CRTC3: variants seen among roughly 807,000 people sequenced by gnomAD.
The protein encoded by CRTC3 is CREB regulated transcription coactivator 3.
CRTC3 carries 26 observed loss-of-function variants against 74.5 expected under a neutral mutation model. That is an observed-to-expected ratio of 0.35 (90% CI 0.26 to 0.48). The LOEUF (loss-of-function observed/expected upper bound fraction) is 0.48, where lower values mean the gene tolerates loss of function less well. Ranked by LOEUF, CRTC3 falls within the 20% of genes least tolerant of loss-of-function variation. CRTC3 has a pLI of 0.99. For missense variants in CRTC3, 760 were observed against 787.3 expected, an observed-to-expected ratio of 0.97 and a Z score of 0.41; for synonymous variants, 377 against 325.8, an observed-to-expected ratio of 1.16 and a Z score of -1.69.
chr15:90,582,773 G>T (rs941151114), intron 2 of CRTC3, among the ~76,000 whole-genome samples: 1 of 152,118 alleles, frequency 6.6e-6, no homozygotes, highest in Non-Finnish European at 1.5e-5. Context: ...ATGTAATTCA[G>T]CAAACACGTG....
At chr15:90,563,881 C>T (rs776614083) in intron 2 of CRTC3, among the ~76,000 whole-genome samples, 3 of 151,994 alleles carry the variant, frequency 2.0e-5, no homozygotes, top group East Asian at 3.8e-4. Flanking sequence ...TCTTTCTTCC[C>T]GCCTTCCTTC....
At chr15:90,588,380 C>G (rs890194069) in intron 2 of CRTC3, among the ~76,000 whole-genome samples, 1 of 151,070 alleles carries the variant, frequency 6.6e-6, no homozygotes, top group East Asian at 1.9e-4. Flanking sequence ...TCTCAACAAA[C>G]ATTTATTTTT....
In CRTC3 at chr15:90,638,784, C is replaced by G. The variant is rs1443210182; in HGVS notation, c.1517C>G (p.Ser506Cys). ...FFPDVGFDQQ[S>C]MRPGPAFPQQ... ...CCAGATGTGGGTTTTGACCAGCAGT[C>G]CATGAGGCCAGGCCCTGCCTTTCCT... The change falls in exon 13 of 15, where the codon TCC becomes TGC. Residue 506 changes from serine (S) to cysteine (C), a missense_variant. Physicochemically the swap from Ser to Cys is moderately radical, Grantham distance 112. Transcript: ENST00000268184. The G allele has an allele frequency of 5.6e-6, 9 of 1,614,148 alleles. No homozygotes were observed. The highest frequency in any genetic ancestry group is 7.6e-6 in the Non-Finnish European group (9 of 1,180,018).
intron 11 of CRTC3, among the ~76,000 whole-genome samples, chr15:90,633,607 A>C (rs1307415075): frequency 6.6e-6 from 1 of 152,120 alleles, no homozygotes; most frequent in East Asian, 1.9e-4. Flanking sequence ...GTGAGTCTGC[A>C]TATTTGGTGG....
chr15:90,564,251 T>C (rs1313576494), intron 2 of CRTC3, among the ~76,000 whole-genome samples: 1 of 152,228 alleles, frequency 6.6e-6, no homozygotes, highest in Non-Finnish European at 1.5e-5. Flanking sequence ...AACAGAACTA[T>C]TTTCTCTGAA....
At chr15:90,549,985 T>C (rs1424777805) in intron 2 of CRTC3, among the ~76,000 whole-genome samples, 1 of 149,492 alleles carries the variant, frequency 6.7e-6, no homozygotes, top group Non-Finnish European at 1.5e-5. Flanking sequence ...ATTACAGGCG[T>C]GAGCCACCAC....
rs1966951443 is a variant in CRTC3, at chr15:90,558,807, A to G, written c.231+18670A>G. On this transcript the variant is annotated intron_variant, in intron 2 of 14. Transcript: ENST00000268184. ...TGCTCTGTCGCCCAGGCTGGCGTGC[A>G]GTGGCGTGATCTCGGCTCACTGCAA... Among the ~76,000 whole-genome samples the G allele has an allele frequency of 2.0e-5, 3 of 151,742 alleles. No individual in the cohort carries two copies. In the South Asian group the frequency reaches 6.2e-4, roughly 32 times the overall value.
intron 11 of CRTC3, among the ~76,000 whole-genome samples, chr15:90,634,287 A>T (rs1281386003): frequency 6.6e-6 from 1 of 151,664 alleles, no homozygotes. Flanking sequence ...TAATTTTTGT[A>T]ATTTTTAGTA....
chr15:90,619,314 G>A (rs1429334805), intron 8 of CRTC3, among the ~76,000 whole-genome samples: 5 of 152,076 alleles, frequency 3.3e-5, no homozygotes, highest in Admixed American at 2.0e-4. Flanking sequence ...AAAATTAGCC[G>A]AGTGTGGTGG....
intron 2 of CRTC3, among the ~76,000 whole-genome samples, chr15:90,557,201 A>G (rs767426103): frequency 6.6e-6 from 1 of 152,118 alleles, no homozygotes; most frequent in Non-Finnish European, 1.5e-5. Context: ...AATTTAGCTT[A>G]GAACAATCGC....
chr15:90,564,731 C>T (rs1174018518), intron 2 of CRTC3, among the ~76,000 whole-genome samples: 1 of 152,132 alleles, frequency 6.6e-6, no homozygotes, highest in South Asian at 2.1e-4. Flanking sequence ...GAAACCTAAC[C>T]AGCAAAGAAA....
chr15:90,531,600 C>G (rs1450866765), intron 1 of CRTC3, among the ~76,000 whole-genome samples: 1 of 152,134 alleles, frequency 6.6e-6, no homozygotes, highest in African/African-American at 2.4e-5. Context: ...TTCTTATACC[C>G]TATCAGCTTC....
intron 8 of CRTC3, 32 bp downstream of exon 8, chr15:90,618,000 T>C: frequency 2.8e-6 from 4 of 1,408,512 alleles, no homozygotes; most frequent in Middle Eastern, 3.5e-4. Context: ...ATGTTTGTTG[T>C]CACTGAATGT....
At chr15:90,604,657 C>G (rs77641297) in intron 5 of CRTC3, among the ~76,000 whole-genome samples, 3,392 of 152,244 alleles carry the variant, frequency 0.022, 134 homozygotes, top group African/African-American at 0.077. Context: ...TTGCATCTTG[C>G]TGTATGACCT....
chr15:90,636,988 C>CA (rs1202958222), intron 11 of CRTC3, among the ~76,000 whole-genome samples: 1 of 152,184 alleles, frequency 6.6e-6, no homozygotes. Flanking sequence ...TTGTGGAAGT[C>CA]AGTGTGGCGA....
At chr15:90,634,130 G>GAGAC (rs557195452) in intron 11 of CRTC3, among the ~76,000 whole-genome samples, 1,459 of 108,638 alleles carry the variant, frequency 0.013, 23 homozygotes, top group African/African-American at 0.042. Flanking sequence ...TTTTTTTTTT[G>GAGAC]AGACAGGGTC....
intron 2 of CRTC3, among the ~76,000 whole-genome samples, chr15:90,543,681 A>C (rs1197259527): frequency 6.6e-6 from 1 of 152,170 alleles, no homozygotes; most frequent in East Asian, 1.9e-4. Context: ...ATTCTTGAAA[A>C]ACTGAGGAGA....
chr15:90,595,324 G>C (rs1342716142), intron 3 of CRTC3: 1 of 152,130 alleles, frequency 6.6e-6, no homozygotes, highest in Non-Finnish European at 1.5e-5. Context: ...TGTAATCCCA[G>C]CACTTTGGGA....
At chr15:90,596,809 A>ATCTT (rs1967937470) in intron 3 of CRTC3, among the ~76,000 whole-genome samples, 1 of 152,254 alleles carries the variant, frequency 6.6e-6, no homozygotes, top group Non-Finnish European at 1.5e-5. Flanking sequence ...CTTCATTTGA[A>ATCTT]AGTATAAAAC....
Sources: gnomAD v4.1 joint callset for allele counts (sites outside exome capture counted in the v4.1 genomes callset) on GRCh38, gnomAD v4.1.1 for gene constraint, MANE v1.5 for transcripts, NCBI Gene and HGNC (gene_info 2026-07-23, HGNC 2026-07-21) for gene names.